SNX4: variants seen among roughly 807,000 people sequenced by gnomAD.
SNX4 encodes sorting nexin-4.
In SNX4, 49 loss-of-function variants were observed where a neutral mutation model predicts 70.8. The ratio of observed to expected loss-of-function variants is 0.69; its 90% confidence interval spans 0.55 to 0.88. The LOEUF (loss-of-function observed/expected upper bound fraction) is 0.88. SNX4 is among the 40% of genes least tolerant of loss of function. The probability of loss-of-function intolerance (pLI) is 0.00; values close to 1 mark genes in which losing one functional copy is unlikely to be tolerated. For synonymous variants in SNX4, 206 were observed against 183.8 expected, an observed-to-expected ratio of 1.12 and a Z score of -0.98; for missense variants, 528 against 544.8, an observed-to-expected ratio of 0.97 and a Z score of 0.31.
rs1436372286 is a variant in SNX4, at chr3:125,467,356, C to T, written c.854+2098G>A. Reference sequence around the variant, plus strand: ...GAGCCAAGATTGCGCCACGGCACTCCAGCCTGGGTGACAGAGTGAGACTCC... The same window carrying T: ...GAGCCAAGATTGCGCCACGGCACTCTAGCCTGGGTGACAGAGTGAGACTCC... On this transcript the variant is annotated intron_variant, in intron 9 of 13. Transcript: ENST00000251775. Among the ~76,000 whole-genome samples, 5 of 152,124 alleles carry T rather than the reference C, an allele frequency of 3.3e-5. No individual in the cohort carries two copies. In the South Asian group the frequency reaches 1.0e-3, roughly 32 times the overall value.
chr3:125,470,503 CA>C, intron 8 of SNX4, among the ~76,000 whole-genome samples: 1 of 137,802 alleles, frequency 7.3e-6, no homozygotes, highest in East Asian at 2.2e-4. Context: ...AAAAAAAAAA[CA>C]AAAAACACAA....
At chr3:125,453,019 T>C (rs1041831231) in intron 12 of SNX4, among the ~76,000 whole-genome samples, 1 of 152,186 alleles carries the variant, frequency 6.6e-6, no homozygotes, top group Non-Finnish European at 1.5e-5. Flanking sequence ...TGGTCTGCCT[T>C]GGTCTATTCA....
In SNX4 at chr3:125,469,470, C is replaced by G; in HGVS notation, c.838G>C (p.Gly280Arg). The change falls in exon 9 of 14, where the codon GGT (glycine) becomes CGT (arginine). Residue 280 changes from glycine (G) to arginine (R), a missense_variant. Around this residue, in one of 3 missense-constraint regions of SNX4, gnomAD observed 28 missense variants for 60.0 expected, o/e 0.47. Transcript: ENST00000251775. Reference sequence around the variant, plus strand: ...GGTACTTACACATCCATATGATGACCAGCACTCTGCAGTCCATCACCCATT... The same window carrying G: ...GGTACTTACACATCCATATGATGACGAGCACTCTGCAGTCCATCACCCATT... ...KEMGDGLQSAGHHMDVYASSI... is the reference protein window; with the variant it reads ...KEMGDGLQSARHHMDVYASSI... The G allele has an allele frequency of 1.2e-6, 2 of 1,613,468 alleles. No homozygotes were observed. The highest frequency in any genetic ancestry group is 1.7e-6 in the Non-Finnish European group (2 of 1,179,500).
intron 9 of SNX4, among the ~76,000 whole-genome samples, chr3:125,464,539 C>T (rs1449719956): frequency 9.4e-6 from 1 of 106,748 alleles, no homozygotes; most frequent in African/African-American, 3.6e-5. Flanking sequence ...GTACAGAATT[C>T]TGTTCCATTG....
In SNX4 at chr3:125,447,181, T is replaced by C. The variant is rs1446101928; in HGVS notation, c.*598A>G. ...AGTTGAGTCTTCTTTGTTGGCAGTA[T>C]AAAATTTCTGACCAGTATCAAAATT... On this transcript the variant is annotated 3_prime_UTR_variant, in exon 14 of 14. Coordinates refer to ENST00000251775, the MANE Select transcript of SNX4 (RefSeq NM_003794.4). 2.0e-5 allele frequency: 3 copies of C among 152,776 alleles called. No individual in the cohort carries two copies. Among genetic ancestry groups the C allele is most frequent in the South Asian group, 2.1e-4 (1 of 4,828 alleles). 9.5% of individuals were successfully genotyped at this position (152,776 alleles called of 1,614,324 possible). A position where few individuals can be genotyped will look rare whatever the true frequency, so the allele number is the denominator to read the frequency against.
At chr3:125,492,847 T>C (rs985756305) in intron 5 of SNX4, among the ~76,000 whole-genome samples, 1 of 152,116 alleles carries the variant, frequency 6.6e-6, no homozygotes, top group Admixed American at 6.5e-5. Flanking sequence ...AATAACAAGA[T>C]TAACAGAGAT....
chr3:125,509,274 G>A (rs1446806208), intron 1 of SNX4, among the ~76,000 whole-genome samples: 7 of 148,482 alleles, frequency 4.7e-5, no homozygotes, highest in African/African-American at 1.8e-4. Flanking sequence ...AGGTTGCGAT[G>A]AGCCAAGATT....
chr3:125,485,857 T>C (rs1308077831), intron 6 of SNX4, among the ~76,000 whole-genome samples: 1 of 152,204 alleles, frequency 6.6e-6, no homozygotes, highest in East Asian at 1.9e-4. Flanking sequence ...TTCTGTTTTT[T>C]TGAGACGGAG....
chr3:125,500,799 C>CA (rs770336677), intron 2 of SNX4, among the ~76,000 whole-genome samples: 1,008 of 29,274 alleles, frequency 0.034, 182 homozygotes, highest in African/African-American at 0.07. Context: ...GACTCCGTCT[C>CA]AAAAAAAAAA....
chr3:125,506,095 T>C (rs1336785942), intron 1 of SNX4, among the ~76,000 whole-genome samples: 1 of 151,968 alleles, frequency 6.6e-6, no homozygotes, highest in African/African-American at 2.4e-5. Flanking sequence ...CCTACAGTAA[T>C]TAAAAAATAA....
At chr3:125,484,604 T>C (rs1934482273) in intron 6 of SNX4, among the ~76,000 whole-genome samples, 1 of 152,160 alleles carries the variant, frequency 6.6e-6, no homozygotes, top group South Asian at 2.1e-4. Context: ...CCTGGACAGG[T>C]GCCTCTCCTA....
At chr3:125,481,891 CCTT>C (rs1934419933) in intron 6 of SNX4, among the ~76,000 whole-genome samples, 1 of 151,854 alleles carries the variant, frequency 6.6e-6, no homozygotes, top group Non-Finnish European at 1.5e-5. Context: ...ATTTTTCTTT[CCTT>C]CTTTTTTTTT....
chr3:125,515,185 TA>T (rs35437111), intron 1 of SNX4, among the ~76,000 whole-genome samples: 71,770 of 150,510 alleles, frequency 0.48, 17,274 homozygotes, highest in African/African-American at 0.55. Context: ...CCATCTCTAC[TA>T]AAAAAAAATA....
At chr3:125,513,773 G>A (rs1357157708) in intron 1 of SNX4, among the ~76,000 whole-genome samples, 2 of 152,124 alleles carry the variant, frequency 1.3e-5, no homozygotes, top group African/African-American at 4.8e-5. Context: ...CAGATCAGAG[G>A]TAGCTGGTAC....
intron 10 of SNX4, among the ~76,000 whole-genome samples, chr3:125,458,814 C>CAAAAAAAAAAAAAAAAAAA (rs71148180): frequency 1.2e-4 from 8 of 64,532 alleles, no homozygotes; most frequent in African/African-American, 2.5e-4. Context: ...GACTCCGTCT[C>CAAAAAAAAAAAAAAAAAAA]AAAAAAAAAA....
chr3:125,514,943 T>C (rs570676759), intron 1 of SNX4, among the ~76,000 whole-genome samples: 9 of 152,246 alleles, frequency 5.9e-5, no homozygotes, highest in African/African-American at 2.2e-4. Context: ...AGATTATAAG[T>C]GTGAGCCACT....
chr3:125,460,797 C>A lies in SNX4; in HGVS notation c.918G>T (p.Glu306Asp). Residue 306 changes from glutamate to aspartate, a missense_variant, in exon 10 of 14, where the codon GAG becomes GAT. By Grantham distance (45) the Glu-to-Asp change is conservative. Around this residue, in one of 3 missense-constraint regions of SNX4, gnomAD observed 159 missense variants for 172.6 expected, o/e 0.92. Transcript: ENST00000251775. ...DEEHYADQLK[E>D]YLFYAEALRA... ...GCAATGCTTCTGCATAAAAAAGATACTCTTTTAACTGATCTGCATAATGTT... is the reference window on the plus strand; with the variant it reads ...GCAATGCTTCTGCATAAAAAAGATAATCTTTTAACTGATCTGCATAATGTT... The A allele has an allele frequency of 6.4e-7, 1 of 1,559,964 alleles. No individual in the cohort carries two copies.
intron 12 of SNX4, among the ~76,000 whole-genome samples, chr3:125,452,315 T>TG (rs2107839237): frequency 6.6e-6 from 1 of 152,232 alleles, no homozygotes; most frequent in East Asian, 1.9e-4. Flanking sequence ...AGGCTGGTCT[T>TG]GAACTTCCGA....
intron 12 of SNX4, 28 bp downstream of exon 12, chr3:125,453,782 G>A (rs1579971084): frequency 1.9e-6 from 3 of 1,608,382 alleles, no homozygotes; most frequent in East Asian, 2.2e-5. Flanking sequence ...TACAAGCCTA[G>A]CTTACTTAAA....
Sources: gnomAD v4.1 joint callset for allele counts (sites outside exome capture counted in the v4.1 genomes callset) on GRCh38, gnomAD v4.1.1 for gene constraint, gnomAD v4.1.1 regional missense constraint, MANE v1.5 for transcripts, NCBI Gene and HGNC (gene_info 2026-07-23, HGNC 2026-07-21) for gene names.